The following KCNIP4 variants were observed in gnomAD, a reference collection of about 807,000 sequenced individuals.
The protein encoded by KCNIP4 is potassium voltage-gated channel interacting protein 4.
Under a neutral mutation model 34.0 loss-of-function variants are expected in KCNIP4, and 12 were observed. The observed-to-expected ratio is 0.35, with a 90% CI of 0.23 to 0.57. The LOEUF (loss-of-function observed/expected upper bound fraction) is 0.57. Ranked by LOEUF, KCNIP4 falls within the 20% of genes least tolerant of loss-of-function variation. The pLI, the probability that KCNIP4 is intolerant of heterozygous loss-of-function variation, is 0.83. For missense variants in KCNIP4, 238 were observed against 311.7 expected (o/e 0.76, Z 1.78); for synonymous variants, 124 against 102.2 (o/e 1.21, Z -1.29).
intron 1 of KCNIP4, among the ~76,000 whole-genome samples, chr4:21,621,527 G>A (rs978318484): frequency 6.6e-6 from 1 of 151,986 alleles, no homozygotes; most frequent in African/African-American, 2.4e-5. Context: ...AACCACATCT[G>A]ATGAAATTTT....
chr4:21,118,638 T>C (rs147958305), intron 1 of KCNIP4, among the ~76,000 whole-genome samples: 1 of 152,322 alleles, frequency 6.6e-6, no homozygotes, highest in Non-Finnish European at 1.5e-5. Context: ...TGCCTTTGTT[T>C]ATTTTTACAG....
intron 1 of KCNIP4, among the ~76,000 whole-genome samples, chr4:21,220,250 C>T (rs538710652): frequency 6.6e-6 from 1 of 152,228 alleles, no homozygotes; most frequent in South Asian, 2.1e-4. Context: ...CAGCTCTAAC[C>T]ATGGGCACAA....
At chr4:21,752,622 TC>T (rs768237189) in intron 1 of KCNIP4, among the ~76,000 whole-genome samples, 82 of 152,256 alleles carry the variant, frequency 5.4e-4, no homozygotes, top group Admixed American at 9.2e-4. Context: ...AAAGAAAAAT[TC>T]TATTCTTTCC....
intron 1 of KCNIP4, among the ~76,000 whole-genome samples, chr4:21,138,223 C>G (rs1238083185): frequency 6.6e-6 from 1 of 152,036 alleles, no homozygotes; most frequent in Non-Finnish European, 1.5e-5. Context: ...ATTTCCAATT[C>G]CTTCTCAACT....
intron 1 of KCNIP4, among the ~76,000 whole-genome samples, chr4:21,177,340 C>G (rs1054011168): frequency 2.0e-5 from 3 of 152,116 alleles, no homozygotes; most frequent in African/African-American, 7.2e-5. Flanking sequence ...AAACTATGCT[C>G]AAGGTATCTT....
intron 1 of KCNIP4, among the ~76,000 whole-genome samples, chr4:21,490,115 C>A (rs2109857786): frequency 6.6e-6 from 1 of 152,134 alleles, no homozygotes; most frequent in East Asian, 1.9e-4. Flanking sequence ...AAATTTTATG[C>A]ATTTAATAAT....
intron 1 of KCNIP4, among the ~76,000 whole-genome samples, chr4:21,210,507 A>G (rs900970751): frequency 2.6e-5 from 4 of 152,208 alleles, no homozygotes; most frequent in African/African-American, 9.6e-5. Context: ...TCTGATTTCC[A>G]TTGTCCTTTT....
chr4:21,860,631 T>C (rs1021800548), intron 1 of KCNIP4, among the ~76,000 whole-genome samples: 1 of 151,756 alleles, frequency 6.6e-6, no homozygotes, highest in Non-Finnish European at 1.5e-5. Context: ...TTAAGATAAT[T>C]GGCTTATCAT....
chr4:21,171,220 T>A (rs1428859658), intron 1 of KCNIP4, among the ~76,000 whole-genome samples: 1 of 152,176 alleles, frequency 6.6e-6, no homozygotes, highest in Non-Finnish European at 1.5e-5. Context: ...ATTAAAACTG[T>A]GGGATAAAGG....
chr4:21,218,004 T>TAA lies in KCNIP4; in HGVS notation c.62-335296_62-335295insTT, dbSNP rs1199103928. ...CCTGTATAGTTTTTTTTTTTAAATT[T>TAA]ATTTATTTATTTATTATTATTATTT... is the stretch of plus-strand genomic sequence containing the variant. On this transcript the variant is annotated intron_variant, in intron 1 of 8. Transcript: ENST00000382152. Among the ~76,000 whole-genome samples the TAA allele has an allele frequency of 5.8e-4, 84 of 143,992 alleles. 1 individual carries two copies. Among genetic ancestry groups the TAA allele is most frequent in the African/African-American group, 2.2e-3 (81 of 37,334 alleles). The allele number at this position is 143,992 out of a possible 152,430, so 94.5% of individuals were successfully genotyped here.
intron 1 of KCNIP4, among the ~76,000 whole-genome samples, chr4:20,967,257 C>T (rs1203923854): frequency 6.6e-6 from 1 of 152,090 alleles, no homozygotes; most frequent in Non-Finnish European, 1.5e-5. Context: ...ATGGGCCTGC[C>T]TCTTATGAAA....
intron 1 of KCNIP4, among the ~76,000 whole-genome samples, chr4:21,541,412 A>G (rs570215077): frequency 8.0e-4 from 122 of 152,200 alleles, no homozygotes; most frequent in Middle Eastern, 3.4e-3. Flanking sequence ...TGTTTATTCT[A>G]GTCTTAAACT....
intron 1 of KCNIP4, among the ~76,000 whole-genome samples, chr4:21,200,828 C>T (rs1756440429): frequency 6.6e-6 from 1 of 151,804 alleles, no homozygotes; most frequent in East Asian, 1.9e-4. Flanking sequence ...AAAAAAGCAT[C>T]GTTCCATCCA....
intron 1 of KCNIP4, among the ~76,000 whole-genome samples, chr4:21,914,896 A>C (rs1029725687): frequency 6.6e-6 from 1 of 152,342 alleles, no homozygotes; most frequent in Non-Finnish European, 1.5e-5. Flanking sequence ...GGAACTGGGT[A>C]ACAAATTACA....
chr4:21,081,464 A>G (rs17636197), intron 1 of KCNIP4, among the ~76,000 whole-genome samples: 21,012 of 151,646 alleles, frequency 0.14, 1,736 homozygotes, highest in East Asian at 0.24. Flanking sequence ...ATTAAGGTCA[A>G]ATGTCATTAA....
At chr4:21,473,714 TC>T (rs1158083630) in intron 1 of KCNIP4, among the ~76,000 whole-genome samples, 1 of 143,386 alleles carries the variant, frequency 7.0e-6, no homozygotes, top group Non-Finnish European at 1.5e-5. Flanking sequence ...GACTGAGAAT[TC>T]TTTTTTTTTT....
chr4:21,004,026 G>C (rs1448033402), intron 1 of KCNIP4, among the ~76,000 whole-genome samples: 1 of 152,204 alleles, frequency 6.6e-6, no homozygotes, highest in Admixed American at 6.5e-5. Context: ...TCATCCCAAG[G>C]CATTTGATGT....
intron 4 of KCNIP4, among the ~76,000 whole-genome samples, chr4:20,752,308 C>T (rs1407657767): frequency 6.6e-6 from 1 of 152,088 alleles, no homozygotes; most frequent in Non-Finnish European, 1.5e-5. Flanking sequence ...ATCAGCCTGC[C>T]TCAGCCTCCC....
At chr4:20,948,093 T>A (rs1046569808) in intron 1 of KCNIP4, among the ~76,000 whole-genome samples, 2 of 152,200 alleles carry the variant, frequency 1.3e-5, no homozygotes, top group Admixed American at 1.3e-4. Context: ...AGAAGAAAGA[T>A]AACTCCTGCT....
Sources: gnomAD v4.1 joint callset for allele counts (sites outside exome capture counted in the v4.1 genomes callset) on GRCh38, gnomAD v4.1.1 for gene constraint, MANE v1.5 for transcripts, NCBI Gene and HGNC (gene_info 2026-07-23, HGNC 2026-07-21) for gene names.